Variants in SORCS1 observed in about 807,000 individuals in gnomAD.
SORCS1 encodes VPS10 domain-containing receptor SorCS1.
SORCS1 carries 60 observed loss-of-function variants against 146.1 expected under a neutral mutation model. The observed-to-expected ratio is 0.41, with a 90% CI of 0.33 to 0.51. The LOEUF (loss-of-function observed/expected upper bound fraction) is 0.51, where lower values mean the gene tolerates loss of function less well. Ranked by LOEUF, SORCS1 falls within the 20% of genes least tolerant of loss-of-function variation. The pLI, the probability that SORCS1 is intolerant of heterozygous loss-of-function variation, is 0.21. For missense variants in SORCS1, 1,352 were observed against 1,487.6 expected (o/e 0.91, Z 1.50); for synonymous variants, 637 against 584.0 (o/e 1.09, Z -1.31).
At chr10:106,744,901 C>G (rs1226400790) in intron 5 of SORCS1, among the ~76,000 whole-genome samples, 1 of 152,088 alleles carries the variant, frequency 6.6e-6, no homozygotes, top group African/African-American at 2.4e-5. Flanking sequence ...GGGTGAGAAC[C>G]CCACCTCCAT....
At chr10:106,689,307 C>T (rs1037094984) in intron 9 of SORCS1, among the ~76,000 whole-genome samples, 1 of 152,190 alleles carries the variant, frequency 6.6e-6, no homozygotes, top group African/African-American at 2.4e-5. Flanking sequence ...CTGCTTGCAA[C>T]TGTAACAGCT....
At chr10:106,589,051 G>T (rs1298732558) in intron 24 of SORCS1, among the ~76,000 whole-genome samples, 1 of 152,094 alleles carries the variant, frequency 6.6e-6, no homozygotes, top group East Asian at 1.9e-4. Context: ...GTTGGAAAGA[G>T]TTTTCTAACT....
At chr10:106,659,480 T>C (rs1247250887) in intron 17 of SORCS1, among the ~76,000 whole-genome samples, 2 of 152,164 alleles carry the variant, frequency 1.3e-5, no homozygotes, top group South Asian at 2.1e-4. Flanking sequence ...ACTAAGTTAA[T>C]ATGAATTTGT....
intron 5 of SORCS1, among the ~76,000 whole-genome samples, chr10:106,757,295 T>A (rs1397474957): frequency 2.0e-5 from 3 of 152,168 alleles, no homozygotes; most frequent in Non-Finnish European, 2.9e-5. Flanking sequence ...TTATTACCCA[T>A]GGTAACTTAA....
chr10:106,934,844 T>C (rs1374408063), intron 2 of SORCS1, among the ~76,000 whole-genome samples: 1 of 152,108 alleles, frequency 6.6e-6, no homozygotes, highest in Non-Finnish European at 1.5e-5. Context: ...TCTCATTTAA[T>C]AAGCAGGAGC....
At chr10:106,858,910 G>A (rs1046971282) in intron 2 of SORCS1, among the ~76,000 whole-genome samples, 2 of 152,168 alleles carry the variant, frequency 1.3e-5, no homozygotes, top group African/African-American at 4.8e-5. Context: ...TGTGCCCAAT[G>A]TATCCAATAT....
At chr10:106,600,615 T>G (rs536921014) in intron 23 of SORCS1, 1 of 985,426 alleles carries the variant, frequency 1.0e-6, no homozygotes, top group African/African-American at 1.7e-5. Context: ...GGACATTATA[T>G]ATGCTGTGAA....
At chr10:107,032,960 A>G (rs1290649811) in intron 1 of SORCS1, among the ~76,000 whole-genome samples, 2 of 152,088 alleles carry the variant, frequency 1.3e-5, no homozygotes, top group Non-Finnish European at 2.9e-5. Context: ...CGAGCTCACC[A>G]TCTTCTTTTT....
intron 18 of SORCS1, among the ~76,000 whole-genome samples, chr10:106,643,410 C>T (rs1849200367): frequency 1.3e-5 from 2 of 152,182 alleles, no homozygotes; most frequent in Admixed American, 6.5e-5. Context: ...CCCGTGCCTA[C>T]GTATATAATC....
chr10:106,754,785 A>G (rs1858514090), intron 5 of SORCS1, among the ~76,000 whole-genome samples: 1 of 152,194 alleles, frequency 6.6e-6, no homozygotes, highest in Non-Finnish European at 1.5e-5. Context: ...TCCTTGAAAC[A>G]TAGCTGGCAT....
At chr10:106,956,466 T>G in intron 2 of SORCS1, 47 bp downstream of exon 2, 1 of 1,570,296 alleles carries the variant, frequency 6.4e-7, no homozygotes, top group Non-Finnish European at 8.8e-7. Context: ...GTAGCAGGCA[T>G]CATGCTTAAA....
Position 106,776,603 on chromosome 10 carries a change from G to A in SORCS1, c.816C>T (p.Phe272=), listed in dbSNP as rs1407463065. The A allele has an allele frequency of 1.2e-6, 2 of 1,614,086 alleles. No homozygotes were observed. The highest frequency in any genetic ancestry group is 2.2e-5 in the South Asian group (2 of 91,068). ...GGTGAAAAAGCAAGCTTTGAATGTAGAAGTTCAGCCGGTACTTTTGATAAG... is the reference window on the plus strand; with the variant it reads ...GGTGAAAAAGCAAGCTTTGAATGTAAAAGTTCAGCCGGTACTTTTGATAAG... ...GATYQKYRLN[F]YIQSLLFHPK... The change falls in exon 4 of 26, where the codon TTC becomes TTT. Residue 272 remains phenylalanine, a synonymous_variant. Coordinates refer to ENST00000263054, the MANE Select transcript of SORCS1 (RefSeq NM_052918.5).
intron 2 of SORCS1, among the ~76,000 whole-genome samples, chr10:106,934,678 T>C (rs561923059): frequency 2.0e-5 from 3 of 152,128 alleles, no homozygotes; most frequent in South Asian, 2.1e-4. Context: ...CCATCAACGA[T>C]TGAGTGTATA....
chr10:106,635,501 G>A (rs1848677393), intron 18 of SORCS1, among the ~76,000 whole-genome samples: 1 of 152,176 alleles, frequency 6.6e-6, no homozygotes, highest in Admixed American at 6.5e-5. Flanking sequence ...AACCCAGACT[G>A]TTAATATTGA....
chr10:106,791,093 G>A (rs768308010), intron 3 of SORCS1, among the ~76,000 whole-genome samples: 23 of 152,150 alleles, frequency 1.5e-4, no homozygotes, highest in Non-Finnish European at 2.5e-4. Context: ...GTGTCAGAAA[G>A]AGACACAAAG....
intron 1 of SORCS1, among the ~76,000 whole-genome samples, chr10:107,001,620 C>T (rs1406208949): frequency 6.6e-6 from 1 of 152,186 alleles, no homozygotes; most frequent in African/African-American, 2.4e-5. Flanking sequence ...CGTGCCACCA[C>T]ACCCAGCTAA....
At chr10:106,827,049 T>C (rs1474966943) in intron 3 of SORCS1, among the ~76,000 whole-genome samples, 2 of 151,340 alleles carry the variant, frequency 1.3e-5, no homozygotes, top group Non-Finnish European at 2.9e-5. Flanking sequence ...TGCTGTATTA[T>C]TACCTCTCTG....
intron 19 of SORCS1, among the ~76,000 whole-genome samples, chr10:106,622,041 C>T (rs61867039): frequency 1.3e-5 from 2 of 152,002 alleles, no homozygotes; most frequent in African/African-American, 2.4e-5. Context: ...CCTGTAATCC[C>T]GACACTTTTG....
chr10:106,794,831 T>C lies in SORCS1; in HGVS notation c.727-18139A>G, dbSNP rs553377280. Among the ~76,000 whole-genome samples, 16 of 152,196 alleles carry C rather than the reference T, an allele frequency of 1.1e-4. No homozygotes were observed. In the South Asian group the frequency reaches 2.9e-3, roughly 28 times the overall value. ...ATTGTTTCCTTTTCTTAAAATAAAGTTTCTGTATTCATAGACTCCCTAGTC... is the reference window on the plus strand; with the variant it reads ...ATTGTTTCCTTTTCTTAAAATAAAGCTTCTGTATTCATAGACTCCCTAGTC... On this transcript the variant is annotated intron_variant, in intron 3 of 25. Coordinates refer to ENST00000263054, the MANE Select transcript of SORCS1 (RefSeq NM_052918.5).
Sources: gnomAD v4.1 joint callset for allele counts (sites outside exome capture counted in the v4.1 genomes callset) on GRCh38, gnomAD v4.1.1 for gene constraint, MANE v1.5 for transcripts, NCBI Gene and HGNC (gene_info 2026-07-23, HGNC 2026-07-21) for gene names.